Variants in NCKAP5 observed in about 807,000 individuals in gnomAD.
NCKAP5 encodes NCK associated protein 5.
In NCKAP5, 92 loss-of-function variants were observed where a neutral mutation model predicts 167.0. The ratio of observed to expected loss-of-function variants is 0.55; its 90% CI spans 0.47 to 0.66. NCKAP5 has a LOEUF of 0.66. Ranked by LOEUF, NCKAP5 falls within the 30% of genes least tolerant of loss-of-function variation. The pLI is 0.00. For synonymous variants in NCKAP5, 891 were observed against 877.4 expected (o/e 1.02, Z -0.27); for missense variants, 2,378 against 2,315.0 (o/e 1.03, Z -0.56).
chr2:133,200,271 T>G (rs2150118381), intron 5 of NCKAP5, among the ~76,000 whole-genome samples: 1 of 152,160 alleles, frequency 6.6e-6, no homozygotes, highest in Non-Finnish European at 1.5e-5. Context: ...GGCACACAGA[T>G]AGACTAATAG....
At chr2:132,900,654 T>G (rs1380380387) in intron 8 of NCKAP5, among the ~76,000 whole-genome samples, 1 of 152,132 alleles carries the variant, frequency 6.6e-6, no homozygotes, top group African/African-American at 2.4e-5. Context: ...AAAACTGTTA[T>G]GAAAACTACT....
intron 3 of NCKAP5, among the ~76,000 whole-genome samples, chr2:133,351,165 A>G (rs1326197197): frequency 2.0e-5 from 3 of 152,172 alleles, no homozygotes; most frequent in Non-Finnish European, 2.9e-5. Context: ...TGAATGGATG[A>G]CAGCTTAGTT....
Position 133,129,594 on chromosome 2 carries a change from C to T in NCKAP5, c.341+384G>A, listed in dbSNP as rs1272062162. Among the ~76,000 whole-genome samples, 3 of 152,100 alleles carry T rather than the reference C, an allele frequency of 2.0e-5. No individual in the cohort carries two copies. In the East Asian group the frequency reaches 5.8e-4, roughly 29 times the overall value. On this transcript the variant is annotated intron_variant, in intron 6 of 19. Coordinates refer to ENST00000409261, the MANE Select transcript of NCKAP5 (RefSeq NM_207363.3). Reference sequence around the variant, plus strand: ...TCTTTATAGCAGCATGATTTATAATCCTTTGGGTATACACCTAGTAATGGG... The same window carrying T: ...TCTTTATAGCAGCATGATTTATAATTCTTTGGGTATACACCTAGTAATGGG...
At chr2:133,290,747 T>TTTG (rs1176204437) in intron 4 of NCKAP5, among the ~76,000 whole-genome samples, 9 of 145,338 alleles carry the variant, frequency 6.2e-5, no homozygotes, top group South Asian at 2.1e-4. Flanking sequence ...TTTTTTTTTT[T>TTTG]TTGTTGTTGT....
chr2:133,008,574 T>C (rs946317679), intron 6 of NCKAP5, among the ~76,000 whole-genome samples: 1 of 152,192 alleles, frequency 6.6e-6, no homozygotes, highest in African/African-American at 2.4e-5. Context: ...TCCTGGTTTC[T>C]TGTAGTGTTG....
intron 5 of NCKAP5, among the ~76,000 whole-genome samples, chr2:133,188,135 T>C (rs1280471671): frequency 6.6e-6 from 1 of 152,036 alleles, no homozygotes; most frequent in East Asian, 1.9e-4. Flanking sequence ...CCATGTTTAG[T>C]GCTTCCTTCA....
chr2:132,706,670 T>C (rs1021956245), intron 19 of NCKAP5, among the ~76,000 whole-genome samples: 1 of 152,146 alleles, frequency 6.6e-6, no homozygotes, highest in Non-Finnish European at 1.5e-5. Flanking sequence ...ATCTGGACTA[T>C]GTGATCTGTG....
chr2:133,138,022 G>C (rs937032436), intron 5 of NCKAP5, among the ~76,000 whole-genome samples: 1 of 152,162 alleles, frequency 6.6e-6, no homozygotes, highest in South Asian at 2.1e-4. Context: ...GTAAAAGAAA[G>C]TGGAGGGAAA....
intron 19 of NCKAP5, among the ~76,000 whole-genome samples, chr2:132,684,835 A>G (rs1043059385): frequency 2.6e-5 from 4 of 152,180 alleles, no homozygotes; most frequent in African/African-American, 7.2e-5. Flanking sequence ...GGGAGAGGGC[A>G]CTGCTTGAAT....
intron 4 of NCKAP5, among the ~76,000 whole-genome samples, chr2:133,240,347 A>T (rs975031748): frequency 2.0e-5 from 3 of 152,244 alleles, no homozygotes; most frequent in African/African-American, 4.8e-5. Flanking sequence ...ACAGTACAAG[A>T]GTGACATGGA....
At chr2:132,962,287 C>G (rs894221902) in intron 8 of NCKAP5, among the ~76,000 whole-genome samples, 1 of 152,140 alleles carries the variant, frequency 6.6e-6, no homozygotes. Context: ...TAATTACACA[C>G]GTAATCCTCG....
intron 16 of NCKAP5, among the ~76,000 whole-genome samples, chr2:132,737,894 C>G (rs1000780295): frequency 5.9e-5 from 9 of 152,214 alleles, no homozygotes; most frequent in Admixed American, 5.9e-4. Context: ...CATGATTGCT[C>G]TTATTCTACA....
At chr2:133,103,037 T>G (rs2081568800) in intron 6 of NCKAP5, among the ~76,000 whole-genome samples, 4 of 152,202 alleles carry the variant, frequency 2.6e-5, no homozygotes, top group African/African-American at 9.7e-5. Context: ...TCTACTTCAC[T>G]CTATTTCTAG....
Position 133,330,459 on chromosome 2 carries a change from G to C in NCKAP5, c.70-27349C>G, listed in dbSNP as rs1574718239. ...TTTATTTAAAAAAAGGACACGTTTT[G>C]TGTTGCCTTTTAAAAATACATGTTG... On this transcript the variant is annotated intron_variant, in intron 3 of 19. Coordinates refer to ENST00000409261, the MANE Select transcript of NCKAP5 (RefSeq NM_207363.3). Among the ~76,000 whole-genome samples, 9 of 148,544 alleles carry C rather than the reference G, an allele frequency of 6.1e-5. No homozygotes were observed. In the South Asian group the frequency reaches 1.9e-3, roughly 32 times the overall value.
At chr2:133,180,808 C>T (rs2150033908) in intron 5 of NCKAP5, among the ~76,000 whole-genome samples, 1 of 151,986 alleles carries the variant, frequency 6.6e-6, no homozygotes, top group South Asian at 2.1e-4. Flanking sequence ...TAATATCAGG[C>T]AACAAAAGCA....
At chr2:133,407,738 C>T (rs1386260276) in intron 3 of NCKAP5, among the ~76,000 whole-genome samples, 3 of 152,126 alleles carry the variant, frequency 2.0e-5, no homozygotes, top group South Asian at 2.1e-4. Flanking sequence ...AACAAAAACA[C>T]GATCATTCCT....
At chr2:133,011,856 A>G (rs2078171913) in intron 6 of NCKAP5, among the ~76,000 whole-genome samples, 1 of 152,184 alleles carries the variant, frequency 6.6e-6, no homozygotes, top group South Asian at 2.1e-4. Flanking sequence ...AGGGGAATTC[A>G]ATATGTTCCT....
At chr2:133,120,656 G>C (rs184070702) in intron 6 of NCKAP5, among the ~76,000 whole-genome samples, 1 of 152,160 alleles carries the variant, frequency 6.6e-6, no homozygotes, top group Non-Finnish European at 1.5e-5. Context: ...TCTGCAAAGA[G>C]TATTCTGAAA....
chr2:133,035,737 A>G (rs558239304), intron 6 of NCKAP5, among the ~76,000 whole-genome samples: 39 of 152,070 alleles, frequency 2.6e-4, no homozygotes, highest in Middle Eastern at 3.4e-3. Context: ...AAAAGAAAAA[A>G]AACTTCAAGT....
Sources: gnomAD v4.1 joint callset for allele counts (sites outside exome capture counted in the v4.1 genomes callset) on GRCh38, gnomAD v4.1.1 for gene constraint, MANE v1.5 for transcripts, NCBI Gene and HGNC (gene_info 2026-07-23, HGNC 2026-07-21) for gene names.